Variants in GRID2IP observed in about 807,000 individuals in gnomAD.
GRID2IP encodes Grid2 interacting protein, also known as delphilin.
In GRID2IP, 78 loss-of-function variants were observed where a neutral mutation model predicts 114.3. That is an observed-to-expected ratio of 0.68 (90% confidence interval 0.57 to 0.82). GRID2IP has a LOEUF of 0.82. Ranked by LOEUF, GRID2IP falls within the 40% of genes least tolerant of loss-of-function variation. The pLI is 0.00. For synonymous variants in GRID2IP, 809 were observed against 724.0 expected (o/e 1.12, Z -1.89); for missense variants, 1,727 against 1,678.5 (o/e 1.03, Z -0.51).
At chr7:6,537,419 C>T (rs1779745784) in intron 2 of GRID2IP, among the ~76,000 whole-genome samples, 1 of 113,642 alleles carries the variant, frequency 8.8e-6, no homozygotes, top group East Asian at 2.9e-4. Flanking sequence ...GCTCTGTTGG[C>T]AGGGCTGGAG....
rs1402875631 is a variant in GRID2IP, at chr7:6,498,116, G to A, written c.3512C>T (p.Thr1171Ile). 1.3e-6 allele frequency: 2 copies of A among 1,551,578 alleles called. No homozygotes were observed. Among genetic ancestry groups the A allele is most frequent in the Non-Finnish European group, 1.7e-6 (2 of 1,146,976 alleles). ...GATGCCGAAGAAAGCCTCAGAGGTG[G>A]TGGCCTTGGAATCCTCCCCAAAGAA... The part of the protein sequence containing the change: ...LAFFGEDSKA[T>I]TSEAFFGIFA... The change falls in exon 21 of 22, where the codon ACC (threonine) becomes ATC (isoleucine). Residue 1171 changes from threonine (T) to isoleucine (I), a missense_variant. Coordinates refer to ENST00000457091, the MANE Select transcript of GRID2IP (RefSeq NM_001145118.2).
At chr7:6,505,214 C>T (rs978865781) in intron 14 of GRID2IP, among the ~76,000 whole-genome samples, 9 of 152,150 alleles carry the variant, frequency 5.9e-5, no homozygotes, top group East Asian at 3.9e-4. Context: ...CTCCTGTCTA[C>T]GGTGTGACTG....
At chr7:6,533,531 T>A (rs752402741) in intron 2 of GRID2IP, among the ~76,000 whole-genome samples, 5 of 151,730 alleles carry the variant, frequency 3.3e-5, no homozygotes, top group Non-Finnish European at 7.4e-5. Flanking sequence ...GCTAATTTTT[T>A]AATTTTTTTG....
intron 1 of GRID2IP, among the ~76,000 whole-genome samples, chr7:6,542,559 G>A (rs1214600641): frequency 6.6e-6 from 1 of 152,116 alleles, no homozygotes; most frequent in Non-Finnish European, 1.5e-5. Context: ...TTGTGAGGCT[G>A]AAGTGAGAGG....
chr7:6,520,709 C>T lies in GRID2IP; in HGVS notation c.1137G>A (p.Gln379=). The change falls in exon 7 of 22, where the codon CAG becomes CAA. Residue 379 remains glutamine, a synonymous_variant. Transcript: ENST00000457091. This position sits in a 1 kb window ranked among gnomAD's most constrained non-coding sequence, Gnocchi z 4.6. ...PNPSSALTSL[Q]WVAEILPSSI... is the part of the protein sequence containing the mutation. ...TGGACGGCAGGATCTCCGCCACCCACTGCAGGGAGGTGAGCGCCGACGACG... is the reference window on the plus strand; with the variant it reads ...TGGACGGCAGGATCTCCGCCACCCATTGCAGGGAGGTGAGCGCCGACGACG... The T allele has an allele frequency of 1.3e-6, 2 of 1,551,694 alleles. No individual in the cohort carries two copies. The highest frequency in any genetic ancestry group is 1.7e-6 in the Non-Finnish European group (2 of 1,146,990).
intron 4 of GRID2IP, among the ~76,000 whole-genome samples, chr7:6,525,329 T>G (rs918673457): frequency 6.6e-6 from 1 of 151,462 alleles, no homozygotes; most frequent in African/African-American, 2.4e-5. Flanking sequence ...TTAAATAAAA[T>G]TTTAAAAATA....
rs1779248304 is a variant in GRID2IP at position 6,514,363 on chromosome 7, G to C, written c.1423+12C>G. ...CTGCAGGCAGGGAAGTGGCAGGGGAGAGGACGCTTACCTGTCATGGCCGTG... is the reference window on the plus strand; with the variant it reads ...CTGCAGGCAGGGAAGTGGCAGGGGACAGGACGCTTACCTGTCATGGCCGTG... On this transcript the variant is annotated intron_variant, in intron 8 of 21. Transcript: ENST00000457091. The C allele has an allele frequency of 6.7e-7, 1 of 1,493,712 alleles. No individual in the cohort carries two copies. Among genetic ancestry groups the C allele is most frequent in the African/African-American group, 1.4e-5 (1 of 71,996 alleles). The allele number at this position is 1,493,712 out of a possible 1,614,324, so 92.5% of individuals were successfully genotyped here.
rs1047502752 is a variant in GRID2IP, at chr7:6,497,646, G to A, written c.*128C>T. ...CGACCACAGCTCGGCGGCTGAGGTAGCTGCAGGAGAGGCTGGCGGTGTGCT... is the reference window on the plus strand; with the variant it reads ...CGACCACAGCTCGGCGGCTGAGGTAACTGCAGGAGAGGCTGGCGGTGTGCT... On this transcript the variant is annotated 3_prime_UTR_variant, in exon 22 of 22. Transcript: ENST00000457091. 6.3e-6 allele frequency: 4 copies of A among 636,496 alleles called. No homozygotes were observed. In the African/African-American group the frequency reaches 7.5e-5, roughly 12 times the overall value. The allele number at this position is 636,496 out of a possible 1,614,324, so 39.4% of individuals were successfully genotyped here.
At chr7:6,546,549 ACAAGAG>A (rs1234905410) in intron 1 of GRID2IP, among the ~76,000 whole-genome samples, 1 of 149,046 alleles carries the variant, frequency 6.7e-6, no homozygotes, top group Non-Finnish European at 1.5e-5. Context: ...AGCCTGGGCA[ACAAGAG>A]CGAAACTCTG....
chr7:6,508,443 C>G lies in GRID2IP; in HGVS notation c.2128-42G>C, dbSNP rs1445589660. Reference sequence around the variant, plus strand: ...AGGCAAGGGGAGGGTGAGGCTGGGCCCAGAGAGACTAGAGCAGGTGCAAAG... The same window carrying G: ...AGGCAAGGGGAGGGTGAGGCTGGGCGCAGAGAGACTAGAGCAGGTGCAAAG... On this transcript the variant is annotated intron_variant, in intron 12 of 21. Transcript: ENST00000457091. The surrounding 1 kb of genome is among the most constrained non-coding windows in gnomAD (Gnocchi z 5.6). 6.5e-7 allele frequency: 1 copy of G among 1,549,084 alleles called. No homozygotes were observed. The highest frequency in any genetic ancestry group is 1.4e-5 in the African/African-American group (1 of 73,058).
intron 1 of GRID2IP, among the ~76,000 whole-genome samples, chr7:6,549,984 C>G (rs1203659171): frequency 6.6e-6 from 1 of 151,794 alleles, no homozygotes; most frequent in Admixed American, 6.6e-5. Context: ...ATCTGTGGCT[C>G]TTTTTATTTT....
Position 6,520,247 on chromosome 7 carries a change from T to C in GRID2IP, c.1268+331A>G, listed in dbSNP as rs1779387410. ...GCGGAGGCTGCAGTGAGCCAAGATC[T>C]CATCATTGCACTCCAGCTGGGTGAT... is the stretch of plus-strand genomic sequence containing the variant. On this transcript the variant is annotated intron_variant, in intron 7 of 21. Transcript: ENST00000457091. This position sits in a 1 kb window ranked among gnomAD's most constrained non-coding sequence, Gnocchi z 4.6. Among the ~76,000 whole-genome samples the C allele has an allele frequency of 6.6e-6, 1 of 151,348 alleles. No homozygotes were observed. The highest frequency in any genetic ancestry group is 1.5e-5 in the Non-Finnish European group (1 of 67,912).
At chr7:6,540,687 A>ATTT (rs34930808) in intron 1 of GRID2IP, among the ~76,000 whole-genome samples, 41,902 of 92,060 alleles carry the variant, frequency 0.46, 11,075 homozygotes, top group African/African-American at 0.51. Context: ...CACCTGGCTA[A>ATTT]TTTTTTTTTT....
rs929264928 is a variant in GRID2IP at position 6,511,167 on chromosome 7, T to C, written c.1424-128A>G. 6 of 1,210,660 alleles carry C rather than the reference T, an allele frequency of 5.0e-6. No homozygotes were observed. The Admixed American group carries it at 1.2e-4, about 25-fold the overall frequency. The allele number at this position is 1,210,660 out of a possible 1,614,324, so 75.0% of individuals were successfully genotyped here. On this transcript the variant is annotated intron_variant, in intron 8 of 21. Transcript: ENST00000457091. ...AGACCCCAAGCTACGGGGCCTGCCC[T>C]GCTTGCCTCCAGAACAGCTCTTGAG...
intron 1 of GRID2IP, 56 bp downstream of exon 1, chr7:6,550,952 T>C: frequency 8.4e-7 from 1 of 1,196,242 alleles, no homozygotes; most frequent in Non-Finnish European, 1.0e-6. Flanking sequence ...GCCCACTCCC[T>C]GCCCACATTA....
chr7:6,526,359 G>A lies in GRID2IP; in HGVS notation c.834-50C>T. ...AGCATGATGGAGAGGGGGCCCTGGG[G>A]CGCAGAGGTTGGAGATGTCCCGTGT... On this transcript the variant is annotated intron_variant, in intron 3 of 21. Transcript: ENST00000457091. The surrounding 1 kb of genome is among the most constrained non-coding windows in gnomAD (Gnocchi z 7.6). 6.5e-7 allele frequency: 1 copy of A among 1,527,312 alleles called. No individual in the cohort carries two copies. Among genetic ancestry groups the A allele is most frequent in the East Asian group, 2.5e-5 (1 of 40,784 alleles). The allele number at this position is 1,527,312 out of a possible 1,614,324, so 94.6% of individuals were successfully genotyped here.
In GRID2IP at chr7:6,551,034, G is replaced by C; in HGVS notation, c.403C>G (p.Arg135Gly). 7.8e-7 allele frequency: 1 copy of C among 1,289,412 alleles called. No homozygotes were observed. Among genetic ancestry groups the C allele is most frequent in the Non-Finnish European group, 9.8e-7 (1 of 1,020,868 alleles). The allele number at this position is 1,289,412 out of a possible 1,614,324, so 79.9% of individuals were successfully genotyped here. The change falls in exon 1 of 22, where the codon CGC becomes GGC. Residue 135 changes from arginine to glycine, a missense_variant. Arg to Gly is a moderately radical substitution (Grantham distance 125). Coordinates refer to ENST00000457091, the MANE Select transcript of GRID2IP (RefSeq NM_001145118.2). ...TTGCGGCTGAACTCTTGGGCCTTGC[G>C]CCTGCGCTCTCGGTGCACCGCGTCC... ...RPDAVHRERR[R>G]KAQEFSRKVD...
At position 6,509,174 on chromosome 7, in the gene GRID2IP, C is replaced by G; in HGVS notation, c.1911G>C (p.Arg637Ser). The change falls in exon 12 of 22, where the codon AGG becomes AGC. Residue 637 changes from arginine (R) to serine (S), a missense_variant. Coordinates refer to ENST00000457091, the MANE Select transcript of GRID2IP (RefSeq NM_001145118.2). The surrounding 1 kb of genome is among the most constrained non-coding windows in gnomAD (Gnocchi z 4.9). ...SHPYASLDSSRAPSPQPGPGP... is the reference protein window; with the variant it reads ...SHPYASLDSSSAPSPQPGPGP... ...CGGGGCCTGGCTGTGGGGAGGGTGC[C>G]CTGCTGCTGTCCAGGCTGGCGTAGG... 1 of 1,474,482 alleles carries G rather than the reference C, an allele frequency of 6.8e-7. No homozygotes were observed. The highest frequency in any genetic ancestry group is 9.0e-7 in the Non-Finnish European group (1 of 1,110,694). The allele number at this position is 1,474,482 out of a possible 1,614,324, so 91.3% of individuals were successfully genotyped here.
chr7:6,514,974 AAAAG>A (rs1002044891), intron 7 of GRID2IP, among the ~76,000 whole-genome samples: 13 of 151,416 alleles, frequency 8.6e-5, no homozygotes, highest in Admixed American at 4.6e-4. Flanking sequence ...AAAGAAAAGA[AAAAG>A]AGAGAGAGAG....
Sources: gnomAD v4.1 joint callset for allele counts (sites outside exome capture counted in the v4.1 genomes callset) on GRCh38, gnomAD v4.1.1 for gene constraint, Gnocchi (gnomAD v3.1) non-coding constraint, MANE v1.5 for transcripts, NCBI Gene and HGNC (gene_info 2026-07-23, HGNC 2026-07-21) for gene names.